The following ASH1L variants were observed in gnomAD, a reference collection of about 807,000 sequenced individuals.
ASH1L encodes ASH1 like histone lysine methyltransferase.
In ASH1L, 23 loss-of-function variants were observed where a neutral mutation model predicts 269.0. The ratio of observed to expected loss-of-function variants is 0.09; its 90% CI spans 0.06 to 0.12. ASH1L has a LOEUF of 0.12. Among genes scored for constraint, ASH1L ranks in the 10% least tolerant of loss-of-function variants. ASH1L has a pLI of 1.00. For missense variants in ASH1L, 2,912 were observed against 3,567.8 expected, an observed-to-expected ratio of 0.82 and a Z score of 4.68; for synonymous variants, 1,187 against 1,253.5, an observed-to-expected ratio of 0.95 and a Z score of 1.12.
intron 7 of ASH1L, among the ~76,000 whole-genome samples, chr1:155,385,662 T>G (rs1487654601): frequency 6.6e-6 from 1 of 152,098 alleles, no homozygotes; most frequent in African/African-American, 2.4e-5. Context: ...AAATAACATA[T>G]GATTTTAAAT....
At chr1:155,414,110 T>C (rs945178949) in intron 6 of ASH1L, among the ~76,000 whole-genome samples, 1 of 152,196 alleles carries the variant, frequency 6.6e-6, no homozygotes, top group Non-Finnish European at 1.5e-5. Context: ...AGGTTTCCTC[T>C]TTCAATCTTA....
At position 155,479,040 on chromosome 1, in the gene ASH1L, G is replaced by A; in HGVS notation, c.3830C>T (p.Pro1277Leu). Residue 1277 changes from proline (P) to leucine (L), a missense_variant, in exon 3 of 28, where the codon CCC (proline) becomes CTC (leucine). Transcript: ENST00000392403. ...RQKRKRKKKY[P>L]QLRNRQDPDF... Reference sequence around the variant, plus strand: ...TGGATCCTGTCTATTTCGAAGCTGGGGATATTTCTTTTTCCGTTTTCGTTT... The same window carrying A: ...TGGATCCTGTCTATTTCGAAGCTGGAGATATTTCTTTTTCCGTTTTCGTTT... 1.2e-6 allele frequency: 2 copies of A among 1,613,698 alleles called. No individual in the cohort carries two copies. Among genetic ancestry groups the A allele is most frequent in the Non-Finnish European group, 8.5e-7 (1 of 1,179,974 alleles).
chr1:155,396,210 G>A (rs1334543947), intron 6 of ASH1L: 2 of 151,340 alleles, frequency 1.3e-5, no homozygotes, highest in Non-Finnish European at 2.9e-5. Flanking sequence ...TATAAAAGGG[G>A]GAAAAAAAGA....
intron 1 of ASH1L, among the ~76,000 whole-genome samples, chr1:155,540,469 C>CA (rs1027825436): frequency 6.6e-6 from 1 of 151,688 alleles, no homozygotes; most frequent in Admixed American, 6.6e-5. Context: ...TAACCACCAC[C>CA]AAAAAAAAGC....
At position 155,438,828 on chromosome 1, in the gene ASH1L, T is replaced by C; in HGVS notation, c.5327A>G (p.Asn1776Ser). ...TTCAGATAGGAGTGAGATGCTATTA[T>C]TGCAAGAGTCACTTGTGACTGCAGG... is the stretch of plus-strand genomic sequence containing the variant. ...LVPAVTSDSC[N>S]NSISLLSEKL... Residue 1776 changes from asparagine to serine, a missense_variant, in exon 5 of 28, where the codon AAT (asparagine) becomes AGT (serine). Transcript: ENST00000392403. 6.2e-7 allele frequency: 1 copy of C among 1,614,228 alleles called. No homozygotes were observed. Among genetic ancestry groups the C allele is most frequent in the Non-Finnish European group, 8.5e-7 (1 of 1,180,034 alleles).
At chr1:155,430,949 T>C (rs1259478726) in intron 5 of ASH1L, among the ~76,000 whole-genome samples, 1 of 152,062 alleles carries the variant, frequency 6.6e-6, no homozygotes, top group Non-Finnish European at 1.5e-5. Context: ...GTGTGGTAGC[T>C]CACGCCTGTA....
At chr1:155,474,847 G>C (rs78760869) in intron 3 of ASH1L, among the ~76,000 whole-genome samples, 1,545 of 152,194 alleles carry the variant, frequency 0.01, 28 homozygotes, top group African/African-American at 0.035. Flanking sequence ...ATGTTATCTA[G>C]ACTACTGCAA....
At chr1:155,433,216 G>GC (rs989449838) in intron 5 of ASH1L, 2 of 1,548,224 alleles carry the variant, frequency 1.3e-6, no homozygotes, top group Non-Finnish European at 1.7e-6. Context: ...CTGCCTTCTT[G>GC]CCCCCTCCAG....
intron 1 of ASH1L, among the ~76,000 whole-genome samples, chr1:155,555,965 G>A (rs184656851): frequency 3.9e-5 from 6 of 152,194 alleles, no homozygotes; most frequent in African/African-American, 9.6e-5. Flanking sequence ...GGAGGGACAG[G>A]GGCTGGTAGA....
chr1:155,421,820 T>C (rs1660710877), intron 5 of ASH1L, among the ~76,000 whole-genome samples: 1 of 148,410 alleles, frequency 6.7e-6, no homozygotes, highest in Non-Finnish European at 1.5e-5. Flanking sequence ...ATATGACTAA[T>C]TTTTTTTTTG....
intron 5 of ASH1L, chr1:155,433,266 G>A: frequency 6.4e-7 from 1 of 1,561,158 alleles, no homozygotes; most frequent in Non-Finnish European, 8.7e-7. Flanking sequence ...GAGCCGGGCT[G>A]GGTTGATCCT....
chr1:155,345,246 T>A (rs1350947639), intron 21 of ASH1L, among the ~76,000 whole-genome samples: 1 of 140,790 alleles, frequency 7.1e-6, no homozygotes, highest in African/African-American at 2.6e-5. Flanking sequence ...AGTGGCGTGA[T>A]CTTGGCTCAT....
intron 4 of ASH1L, among the ~76,000 whole-genome samples, chr1:155,448,376 G>A (rs1363946667): frequency 6.6e-6 from 1 of 151,822 alleles, no homozygotes; most frequent in East Asian, 1.9e-4. Context: ...GTTGTATTGA[G>A]ATGGGTCTTG....
At chr1:155,366,200 C>T (rs771657583) in intron 12 of ASH1L, among the ~76,000 whole-genome samples, 9 of 152,084 alleles carry the variant, frequency 5.9e-5, no homozygotes, top group East Asian at 1.9e-4. Context: ...AAGATGGCAA[C>T]GAGAGTGACA....
At chr1:155,468,014 TAAC>T (rs1273458304) in intron 3 of ASH1L, among the ~76,000 whole-genome samples, 1 of 152,114 alleles carries the variant, frequency 6.6e-6, no homozygotes, top group Non-Finnish European at 1.5e-5. Context: ...ATAATACTAT[TAAC>T]AAAATTCCAG....
At chr1:155,424,979 T>G (rs7531890) in intron 5 of ASH1L, among the ~76,000 whole-genome samples, 3,129 of 147,350 alleles carry the variant, frequency 0.021, 106 homozygotes, top group African/African-American at 0.074. Flanking sequence ...AGTTTTTGTG[T>G]TTTTTTTTTG....
intron 10 of ASH1L, 71 bp from the exon 11 acceptor site, chr1:155,371,054 TACAA>T (rs1655902113): frequency 7.5e-7 from 1 of 1,341,708 alleles, no homozygotes; most frequent in Admixed American, 2.3e-5. Context: ...TTTTAAATTT[TACAA>T]ACATTTAAAA....
intron 6 of ASH1L, among the ~76,000 whole-genome samples, chr1:155,397,411 C>T (rs1313263989): frequency 4.0e-5 from 6 of 150,888 alleles, no homozygotes; most frequent in Admixed American, 2.0e-4. Flanking sequence ...GCTGGAGAAT[C>T]GCTTGACTCC....
intron 2 of ASH1L, among the ~76,000 whole-genome samples, chr1:155,514,583 A>G (rs1668379968): frequency 6.6e-6 from 1 of 152,024 alleles, no homozygotes; most frequent in Admixed American, 6.6e-5. Context: ...GACTATGGAA[A>G]TGTTAGACTA....
Sources: gnomAD v4.1 joint callset for allele counts (sites outside exome capture counted in the v4.1 genomes callset) on GRCh38, gnomAD v4.1.1 for gene constraint, MANE v1.5 for transcripts, NCBI Gene and HGNC (gene_info 2026-07-23, HGNC 2026-07-21) for gene names.